Variants in PDE10A observed in about 807,000 individuals in gnomAD.
PDE10A encodes the protein phosphodiesterase 10A.
In PDE10A, 39 loss-of-function variants were observed where a neutral mutation model predicts 97.7. The observed-to-expected ratio is 0.40, with a 90% CI of 0.31 to 0.52. The LOEUF is 0.52. Ranked by LOEUF, PDE10A falls within the 20% of genes least tolerant of loss-of-function variation. The probability of loss-of-function intolerance (pLI) is 0.56; values close to 1 mark genes in which losing one functional copy is unlikely to be tolerated. For synonymous variants in PDE10A, 371 were observed against 376.8 expected, an observed-to-expected ratio of 0.98 and a Z score of 0.18; for missense variants, 731 against 1,047.8, an observed-to-expected ratio of 0.70 and a Z score of 4.17.
intron 2 of PDE10A, among the ~76,000 whole-genome samples, chr6:165,534,881 T>C (rs1782986564): frequency 6.6e-6 from 1 of 151,954 alleles, no homozygotes; most frequent in South Asian, 2.1e-4. Context: ...CTGTAAGATC[T>C]AACAAGACAA....
chr6:165,488,899 G>A (rs553976268), intron 2 of PDE10A, among the ~76,000 whole-genome samples: 52 of 151,974 alleles, frequency 3.4e-4, no homozygotes, highest in Non-Finnish European at 6.6e-4. Context: ...CTCCCATCCC[G>A]CACAGCAGTC....
chr6:165,751,987 GA>G (rs1369468379), intron 1 of PDE10A, among the ~76,000 whole-genome samples: 1 of 151,708 alleles, frequency 6.6e-6, no homozygotes. Flanking sequence ...AAAAAAAAGT[GA>G]AAAAACTAGC....
intron 1 of PDE10A, among the ~76,000 whole-genome samples, chr6:165,562,027 T>C (rs1784547955): frequency 6.6e-6 from 1 of 152,100 alleles, no homozygotes; most frequent in Non-Finnish European, 1.5e-5. Context: ...TCCCAATACT[T>C]AAGGAGGCCG....
At chr6:165,804,870 C>T (rs895080193) in intron 1 of PDE10A, among the ~76,000 whole-genome samples, 17 of 150,982 alleles carry the variant, frequency 1.1e-4, no homozygotes, top group African/African-American at 3.9e-4. Flanking sequence ...TGGAGTCACG[C>T]GCCAGCGCGC....
intron 1 of PDE10A, among the ~76,000 whole-genome samples, chr6:165,807,945 C>T (rs1020853377): frequency 5.9e-5 from 9 of 152,196 alleles, no homozygotes; most frequent in Non-Finnish European, 7.3e-5. Flanking sequence ...CTGAGAATTT[C>T]TGCAAGATAG....
rs76407762 is a variant in PDE10A, at chr6:165,872,520, T to G, written c.-615+115009A>C. On this transcript the variant is annotated intron_variant, in intron 1 of 19. Transcript: ENST00000366882. ...TGCAGTGTGGGGGGAATTGTCCCTG[T>G]GCAGGCTGCTGGGGTGAGCTCCCTC... Among the ~76,000 whole-genome samples, 1,418 of 152,264 alleles carry G rather than the reference T, an allele frequency of 9.3e-3. 19 individuals carry two copies. The highest frequency in any genetic ancestry group is 0.033 in the African/African-American group (1,351 of 41,544).
intron 2 of PDE10A, among the ~76,000 whole-genome samples, chr6:165,533,563 T>C (rs1310606086): frequency 6.6e-6 from 1 of 152,172 alleles, no homozygotes; most frequent in Non-Finnish European, 1.5e-5. Context: ...CAATTATACA[T>C]TCATAGTGGA....
chr6:165,697,802 AT>A (rs1331655353), intron 1 of PDE10A, among the ~76,000 whole-genome samples: 1 of 152,232 alleles, frequency 6.6e-6, no homozygotes, highest in Non-Finnish European at 1.5e-5. Flanking sequence ...TTGCACAAAA[AT>A]ATGAAGTACT....
Position 165,329,626 on chromosome 6 carries a change from T to TAC in PDE10A, c.*3397_*3398dup, listed in dbSNP as rs1781232603. 6.6e-6 allele frequency: 1 copy of TAC among 151,500 alleles called. No homozygotes were observed. The highest frequency in any genetic ancestry group is 2.4e-5 in the African/African-American group (1 of 41,242). The allele number at this position is 151,500 out of a possible 1,614,324, so 9.4% of individuals were successfully genotyped here. ...TGTACAATACAGGATTTGTCTCGCA[T>TAC]ACACAAATATACCAATAAAGAAAAA... On this transcript the variant is annotated 3_prime_UTR_variant, in exon 22 of 22. Coordinates refer to ENST00000539869, the MANE Select transcript of PDE10A (RefSeq NM_001385079.1).
At chr6:165,924,500 T>C (rs1353961002) in intron 1 of PDE10A, among the ~76,000 whole-genome samples, 1 of 152,156 alleles carries the variant, frequency 6.6e-6, no homozygotes, top group African/African-American at 2.4e-5. Flanking sequence ...CCATTCATGG[T>C]CTCCATGTTG....
chr6:165,398,940 C>T (rs1786409436), intron 13 of PDE10A, among the ~76,000 whole-genome samples: 1 of 152,098 alleles, frequency 6.6e-6, no homozygotes, highest in African/African-American at 2.4e-5. Context: ...AAGAATTCTA[C>T]TCGAACTATA....
rs79650059 is a variant in PDE10A, at chr6:165,727,359, C to T, written c.-614-183791G>A. Among the ~76,000 whole-genome samples the T allele has an allele frequency of 9.5e-3, 1,447 of 152,328 alleles. 12 individuals are homozygous for T. The highest frequency in any genetic ancestry group is 0.016 in the Admixed American group (251 of 15,302). On this transcript the variant is annotated intron_variant, in intron 1 of 19. Transcript: ENST00000366882. Reference sequence around the variant, plus strand: ...AGTGTGCAGAGTTTGTGAGACAAATCCAGCCACCATCCCCTGCACGGTGTG... The same window carrying T: ...AGTGTGCAGAGTTTGTGAGACAAATTCAGCCACCATCCCCTGCACGGTGTG...
chr6:165,813,660 C>T (rs1562749653), intron 1 of PDE10A, among the ~76,000 whole-genome samples: 1 of 152,102 alleles, frequency 6.6e-6, no homozygotes, highest in African/African-American at 2.4e-5. Flanking sequence ...ATAAACACAG[C>T]AAGCAAATAA....
intron 1 of PDE10A, among the ~76,000 whole-genome samples, chr6:165,794,621 A>T (rs1317183414): frequency 6.6e-6 from 1 of 152,030 alleles, no homozygotes; most frequent in Non-Finnish European, 1.5e-5. Flanking sequence ...TCACATACAC[A>T]TGTATCTCAC....
chr6:165,979,514 A>T (rs1417635126), intron 1 of PDE10A, among the ~76,000 whole-genome samples: 1 of 152,254 alleles, frequency 6.6e-6, no homozygotes, highest in Non-Finnish European at 1.5e-5. Context: ...AGTCATTTAC[A>T]AGTAGAAATA....
chr6:165,364,976 T>C (rs1783674789), intron 18 of PDE10A, among the ~76,000 whole-genome samples: 2 of 152,000 alleles, frequency 1.3e-5, no homozygotes, highest in Admixed American at 6.5e-5. Context: ...ATAATACATA[T>C]AATCTGATTA....
At chr6:165,958,681 GGAAA>G (rs367840192) in intron 1 of PDE10A, among the ~76,000 whole-genome samples, 24,279 of 118,092 alleles carry the variant, frequency 0.21, 376 homozygotes, top group East Asian at 0.38. Context: ...AAAGAAGGAA[GGAAA>G]GAAAGAAAGA....
intron 3 of PDE10A, 44 bp downstream of exon 3, chr6:165,482,271 A>G (rs1221236743): frequency 3.8e-6 from 5 of 1,312,416 alleles, no homozygotes; most frequent in Middle Eastern, 1.8e-4. Flanking sequence ...AAACAGATTC[A>G]TTTCCTATAC....
chr6:165,599,691 C>T (rs1226984155), intron 1 of PDE10A, among the ~76,000 whole-genome samples: 1 of 152,166 alleles, frequency 6.6e-6, no homozygotes. Context: ...TGTGAGCAAG[C>T]AAGCACCCTC....
Sources: gnomAD v4.1 joint callset for allele counts (sites outside exome capture counted in the v4.1 genomes callset) on GRCh38, gnomAD v4.1.1 for gene constraint, MANE v1.5 for transcripts, NCBI Gene and HGNC (gene_info 2026-07-23, HGNC 2026-07-21) for gene names.